The following TFDP2 variants were observed in gnomAD, a reference collection of about 807,000 sequenced individuals.
The protein encoded by TFDP2 is transcription factor Dp-2.
A neutral mutation model predicts 59.3 loss-of-function variants in TFDP2; 17 were observed. The observed-to-expected ratio is 0.29, with a 90% confidence interval of 0.20 to 0.43. The LOEUF is 0.43. TFDP2 is among the 20% of genes least tolerant of loss of function. TFDP2 has a pLI of 1.00. For synonymous variants in TFDP2, 180 were observed against 194.7 expected (o/e 0.92, Z 0.63); for missense variants, 391 against 528.8 (o/e 0.74, Z 2.56).
At chr3:142,002,580 T>A (rs974602752) in intron 4 of TFDP2, among the ~76,000 whole-genome samples, 2 of 152,296 alleles carry the variant, frequency 1.3e-5, no homozygotes, top group African/African-American at 4.8e-5. Context: ...ATTCTGTTCA[T>A]GACCACGGAG....
At chr3:142,101,477 A>C (rs1347712594) in intron 2 of TFDP2, among the ~76,000 whole-genome samples, 1 of 152,230 alleles carries the variant, frequency 6.6e-6, no homozygotes, top group Non-Finnish European at 1.5e-5. Flanking sequence ...GCAGGGTGGG[A>C]AACCTTCTGG....
chr3:142,056,210 C>T (rs971053322), intron 3 of TFDP2, among the ~76,000 whole-genome samples: 14 of 151,414 alleles, frequency 9.2e-5, no homozygotes, highest in African/African-American at 3.2e-4. Flanking sequence ...CCTCGGCCTC[C>T]CAAAGTGCTG....
intron 3 of TFDP2, among the ~76,000 whole-genome samples, chr3:142,068,835 C>G (rs1451943968): frequency 6.6e-6 from 1 of 152,044 alleles, no homozygotes; most frequent in African/African-American, 2.4e-5. Context: ...CTAGGATTAT[C>G]AGTGTGAGCC....
At chr3:141,981,896 A>G (rs1941524763) in intron 6 of TFDP2, among the ~76,000 whole-genome samples, 1 of 152,208 alleles carries the variant, frequency 6.6e-6, no homozygotes, top group South Asian at 2.1e-4. Context: ...CAAAAAATCA[A>G]TAAAATTGTC....
At chr3:142,103,365 T>C (rs1230531763) in intron 1 of TFDP2, among the ~76,000 whole-genome samples, 3 of 152,144 alleles carry the variant, frequency 2.0e-5, no homozygotes, top group Admixed American at 2.0e-4. Context: ...ATTATTTGGG[T>C]AATTGGAGAT....
chr3:141,962,829 T>A (rs1576469523), intron 10 of TFDP2, among the ~76,000 whole-genome samples: 1 of 152,238 alleles, frequency 6.6e-6, no homozygotes, highest in Admixed American at 6.5e-5. Context: ...CTGGTATCCC[T>A]GGGACAGTTC....
intron 1 of TFDP2, among the ~76,000 whole-genome samples, chr3:142,110,231 C>T (rs997101895): frequency 1.6e-4 from 24 of 152,106 alleles, no homozygotes; most frequent in Admixed American, 1.0e-3. Flanking sequence ...CAGCCAGGCA[C>T]GGTGGCTCAC....
intron 3 of TFDP2, among the ~76,000 whole-genome samples, chr3:142,050,525 C>G (rs1391126714): frequency 6.6e-6 from 1 of 151,744 alleles, no homozygotes; most frequent in East Asian, 2.0e-4. Flanking sequence ...GAAACCCTGT[C>G]TCTACTAAAA....
chr3:142,138,424 G>A (rs1259736261), intron 1 of TFDP2, among the ~76,000 whole-genome samples: 4 of 152,158 alleles, frequency 2.6e-5, no homozygotes, highest in African/African-American at 7.2e-5. Context: ...TTTTGAATGT[G>A]TTTGCTCTTG....
Position 141,976,773 on chromosome 3 carries a change from T to A in TFDP2, c.519+1747A>T, listed in dbSNP as rs1459940266. On this transcript the variant is annotated intron_variant, in intron 7 of 12. Transcript: ENST00000489671. ...CCATGGCTTTCACTCAGAAACAGAA[T>A]GCTATAGACTTTTTTTTTCAAGTGC... Among the ~76,000 whole-genome samples the A allele has an allele frequency of 2.0e-5, 3 of 151,114 alleles. No homozygotes were observed. In the Admixed American group the frequency reaches 2.0e-4, roughly 10 times the overall value.
chr3:142,032,352 T>G (rs1220771713), intron 3 of TFDP2, among the ~76,000 whole-genome samples: 1 of 152,088 alleles, frequency 6.6e-6, no homozygotes, highest in Admixed American at 6.6e-5. Context: ...CCTGCCTCCC[T>G]CCAAAGTGCT....
chr3:142,128,470 C>A (rs914420557), intron 1 of TFDP2, among the ~76,000 whole-genome samples: 23 of 152,172 alleles, frequency 1.5e-4, no homozygotes, highest in African/African-American at 5.3e-4. Context: ...CACTCAATCA[C>A]CCTGTGTAAG....
Position 141,947,113 on chromosome 3 carries a change from G to A in TFDP2, c.*5400C>T, listed in dbSNP as rs1576418060. The A allele has an allele frequency of 1.3e-5, 2 of 152,320 alleles. No individual in the cohort carries two copies. Among genetic ancestry groups the A allele is most frequent in the South Asian group, 4.1e-4 (2 of 4,826 alleles). The allele number at this position is 152,320 out of a possible 1,614,324, so 9.4% of individuals were successfully genotyped here. On this transcript the variant is annotated 3_prime_UTR_variant, in exon 13 of 13. Transcript: ENST00000489671. ...TTGAGTGGAAATTTAATCAAACACT[G>A]TTATCAACTGGGAATTTGAGGGCAG...
At chr3:142,134,196 G>A (rs187504444) in intron 1 of TFDP2, among the ~76,000 whole-genome samples, 24 of 151,632 alleles carry the variant, frequency 1.6e-4, no homozygotes, top group African/African-American at 5.5e-4. Flanking sequence ...AGAGGTGGGC[G>A]AAATTAGCTG....
At chr3:141,956,881 C>T (rs897918195) in intron 11 of TFDP2, among the ~76,000 whole-genome samples, 5 of 151,360 alleles carry the variant, frequency 3.3e-5, no homozygotes, top group East Asian at 2.0e-4. Context: ...GCAGAGATTG[C>T]GCCACTGCAC....
chr3:141,969,232 GATAT>G (rs551304839), intron 9 of TFDP2, among the ~76,000 whole-genome samples: 17 of 65,822 alleles, frequency 2.6e-4, no homozygotes, highest in East Asian at 2.0e-3. Context: ...ATATATATGA[GATAT>G]ATATATATAT....
At chr3:142,006,292 T>C (rs542242175) in intron 3 of TFDP2, among the ~76,000 whole-genome samples, 1 of 152,154 alleles carries the variant, frequency 6.6e-6, no homozygotes, top group African/African-American at 2.4e-5. Context: ...AAGTTAACAG[T>C]GTAACAAAAT....
Position 141,952,479 on chromosome 3 carries a change from C to A in TFDP2, c.*34G>T, listed in dbSNP as rs758314397. 1 of 1,495,510 alleles carries A rather than the reference C, an allele frequency of 6.7e-7. No homozygotes were observed. The highest frequency in any genetic ancestry group is 2.4e-5 in the East Asian group (1 of 41,752). The allele number at this position is 1,495,510 out of a possible 1,614,324, so 92.6% of individuals were successfully genotyped here. ...AGCTCACACTACAAACACACATGAG[C>A]ATCACATATTGAAACGTAGGCTTTC... On this transcript the variant is annotated 3_prime_UTR_variant, in exon 13 of 13. Transcript: ENST00000489671.
intron 3 of TFDP2, among the ~76,000 whole-genome samples, chr3:142,015,174 G>T (rs1375739222): frequency 1.3e-5 from 2 of 152,058 alleles, no homozygotes; most frequent in Non-Finnish European, 2.9e-5. Context: ...ACATTTGGGA[G>T]CCCCTTAGCT....
Sources: allele counts gnomAD v4.1 joint callset (sites outside exome capture counted in the v4.1 genomes callset), GRCh38; gene constraint gnomAD v4.1.1; transcripts MANE v1.5; gene names NCBI Gene and HGNC (gene_info 2026-07-23, HGNC 2026-07-21).